DPF3: variants seen among roughly 807,000 people sequenced by gnomAD.
DPF3 encodes double PHD fingers 3.
Under a neutral mutation model 56.8 loss-of-function variants are expected in DPF3, and 18 were observed. The observed-to-expected ratio is 0.32, with a 90% CI of 0.22 to 0.47. The LOEUF (loss-of-function observed/expected upper bound fraction) is 0.47. DPF3 is among the 20% of genes least tolerant of loss of function. The pLI, the probability that DPF3 is intolerant of heterozygous loss-of-function variation, is 1.00. For missense variants in DPF3, 403 were observed against 488.8 expected (o/e 0.82, Z 1.65); for synonymous variants, 188 against 180.2 (o/e 1.04, Z -0.35).
Position 72,894,078 on chromosome 14 carries a change from A to T in DPF3, c.11T>A (p.Val4Asp). The part of the protein sequence containing the change: MAT[V>D]IHNPLKALGD... The stretch of plus-strand genomic sequence containing the variant: ...TTACGCTTTCAGGGGGTTGTGAATG[A>T]CAGTCGCCATTTTGCTACAATGTAA... Residue 4 changes from valine to aspartate, a missense_variant, in exon 1 of 11, where the codon GTC (valine) becomes GAC (aspartate). Transcript: ENST00000556509. The T allele has an allele frequency of 6.2e-7, 1 of 1,607,764 alleles. No individual in the cohort carries two copies. Among genetic ancestry groups the T allele is most frequent in the East Asian group, 2.2e-5 (1 of 44,458 alleles).
In DPF3 at chr14:72,611,658, C is replaced by T. The variant is rs1002588722; in HGVS notation, c.*7639G>A. 6.6e-6 allele frequency among the ~76,000 whole-genome samples: 1 copy of T among 152,172 alleles called. No homozygotes were observed. The highest frequency in any genetic ancestry group is 1.5e-5 in the Non-Finnish European group (1 of 68,030). ...CAAGCAGCTCTGGGGACACTGGCTGCCCAACACACTCCAGGCCAGGTGACT... is the reference window on the plus strand; with the variant it reads ...CAAGCAGCTCTGGGGACACTGGCTGTCCAACACACTCCAGGCCAGGTGACT... On this transcript the variant is annotated 3_prime_UTR_variant, in exon 11 of 11. Coordinates refer to ENST00000556509, the MANE Select transcript of DPF3 (RefSeq NM_001280542.3).
At chr14:72,687,488 T>C (rs771518651) in intron 7 of DPF3, among the ~76,000 whole-genome samples, 3 of 152,276 alleles carry the variant, frequency 2.0e-5, no homozygotes, top group Admixed American at 6.5e-5. Context: ...CCACTGTCTA[T>C]AGGAATAAAG....
At chr14:72,850,820 T>TGTGA in intron 1 of DPF3, among the ~76,000 whole-genome samples, 1 of 152,018 alleles carries the variant, frequency 6.6e-6, no homozygotes, top group Non-Finnish European at 1.5e-5. Context: ...TGTGTGTGTG[T>TGTGA]GCGCACGCGC....
chr14:72,746,848 G>A (rs115443479), intron 3 of DPF3, among the ~76,000 whole-genome samples: 1 of 152,358 alleles, frequency 6.6e-6, no homozygotes, highest in South Asian at 2.1e-4. Flanking sequence ...TGCAGGTGGG[G>A]ACTTGGCTAT....
chr14:72,888,906 C>T (rs901273979), intron 1 of DPF3, among the ~76,000 whole-genome samples: 1 of 152,202 alleles, frequency 6.6e-6, no homozygotes, highest in African/African-American at 2.4e-5. Context: ...GCCCCCATCG[C>T]CACTACTGTC....
Position 72,629,660 on chromosome 14 carries a change from G to A in DPF3, c.948C>T (p.Cys316=), listed in dbSNP as rs1885052096. The change falls in exon 9 of 11, where the codon TGC becomes TGT. Residue 316 remains cysteine (C), a synonymous_variant. Transcript: ENST00000556509. ...VKTYKWQCIE[C]KSCILCGTSE... ...AGGTCCCACAGAGGATACAGGATTT[G>A]CACTCTATGCACTGCCACTTGTAGG... is the stretch of plus-strand genomic sequence containing the variant. 15 of 1,535,960 alleles carry A rather than the reference G, an allele frequency of 9.8e-6. No individual in the cohort carries two copies. The highest frequency in any genetic ancestry group is 1.4e-5 in the African/African-American group (1 of 73,054).
chr14:72,708,062 CAGTT>C (rs1201835518), intron 6 of DPF3, among the ~76,000 whole-genome samples: 3 of 152,078 alleles, frequency 2.0e-5, no homozygotes, highest in Non-Finnish European at 4.4e-5. Context: ...CATCAAGAAA[CAGTT>C]AGTGGAGAGC....
At chr14:72,807,943 C>T (rs752494245) in intron 1 of DPF3, among the ~76,000 whole-genome samples, 3 of 152,038 alleles carry the variant, frequency 2.0e-5, no homozygotes, top group Admixed American at 6.5e-5. Flanking sequence ...CCAGCCTGGG[C>T]GACAGAGCAA....
intron 7 of DPF3, among the ~76,000 whole-genome samples, chr14:72,689,234 G>A (rs1887569450): frequency 6.6e-6 from 1 of 152,136 alleles, no homozygotes; most frequent in Admixed American, 6.5e-5. Flanking sequence ...GACAGCAGGA[G>A]GACCAAAGTC....
intron 1 of DPF3, among the ~76,000 whole-genome samples, chr14:72,862,800 C>T (rs911344886): frequency 3.9e-5 from 6 of 152,104 alleles, no homozygotes; most frequent in Non-Finnish European, 7.4e-5. Context: ...TTTTAGTTAC[C>T]TCCATAAACT....
chr14:72,662,993 T>C (rs183883374), intron 8 of DPF3, among the ~76,000 whole-genome samples: 1 of 150,786 alleles, frequency 6.6e-6, no homozygotes, highest in Non-Finnish European at 1.5e-5. Context: ...GCCAAGTTAA[T>C]GAGGCTAGGC....
chr14:72,791,440 G>A (rs903639586), intron 1 of DPF3, among the ~76,000 whole-genome samples: 1 of 152,184 alleles, frequency 6.6e-6, no homozygotes, highest in Non-Finnish European at 1.5e-5. Flanking sequence ...GGTTTGCCCT[G>A]GCAGCCCCAC....
chr14:72,836,384 A>G lies in DPF3; in HGVS notation c.32+57673T>C, dbSNP rs1452702558. 4.1e-6 allele frequency: 4 copies of G among 985,400 alleles called. No individual in the cohort carries two copies. The African/African-American group carries it at 5.2e-5, about 13-fold the overall frequency. The allele number at this position is 985,400 out of a possible 1,614,324, so 61.0% of individuals were successfully genotyped here. On this transcript the variant is annotated intron_variant, in intron 1 of 10. Transcript: ENST00000556509. ...AGCACTCCAGAGAAACTGTCAGAGC[A>G]GGGGGCAAACCCCTGGCCTACTCCA...
chr14:72,783,893 G>A (rs548636061), intron 1 of DPF3, among the ~76,000 whole-genome samples: 74 of 152,210 alleles, frequency 4.9e-4, no homozygotes, highest in Middle Eastern at 6.8e-3. Flanking sequence ...CAGGGGCAGC[G>A]GCAGGATGGG....
intron 7 of DPF3, among the ~76,000 whole-genome samples, chr14:72,683,897 C>A (rs992504917): frequency 6.6e-6 from 1 of 152,238 alleles, no homozygotes; most frequent in Admixed American, 6.5e-5. Context: ...GCTGGGCAAA[C>A]CTGGACAAGC....
chr14:72,724,381 G>A (rs8008009), intron 4 of DPF3, among the ~76,000 whole-genome samples: 50,603 of 151,816 alleles, frequency 0.33, 8,961 homozygotes, highest in Middle Eastern at 0.45. Flanking sequence ...AGGTGAATAC[G>A]CTGAGGCTGA....
intron 1 of DPF3, among the ~76,000 whole-genome samples, chr14:72,867,840 G>A (rs935275367): frequency 2.0e-5 from 3 of 152,134 alleles, no homozygotes; most frequent in African/African-American, 7.2e-5. Context: ...CCAGGCTCAA[G>A]GGATCCTCCC....
At chr14:72,779,567 C>G (rs1222998081) in intron 1 of DPF3, among the ~76,000 whole-genome samples, 2 of 152,200 alleles carry the variant, frequency 1.3e-5, no homozygotes, top group Non-Finnish European at 2.9e-5. Context: ...GAGTCCAGCT[C>G]CACCTCTTAA....
chr14:72,861,727 A>AAGAAGAAAGAGAGAGAAAGAAAGAAAG (rs1567261036), intron 1 of DPF3, among the ~76,000 whole-genome samples: 1 of 90,276 alleles, frequency 1.1e-5, no homozygotes, highest in Non-Finnish European at 2.2e-5. Context: ...AAGAGAGAGA[A>AAGAAGAAAGAGAGAGAAAGAAAGAAAG]AGAAAGAAAG....
Sources: gnomAD v4.1 joint callset for allele counts (sites outside exome capture counted in the v4.1 genomes callset) on GRCh38, gnomAD v4.1.1 for gene constraint, MANE v1.5 for transcripts, NCBI Gene and HGNC (gene_info 2026-07-23, HGNC 2026-07-21) for gene names.